The following NR3C2 variants were observed in gnomAD, a reference collection of about 807,000 sequenced individuals.
The protein encoded by NR3C2 is nuclear receptor subfamily 3 group C member 2.
NR3C2 carries 15 observed loss-of-function variants against 86.4 expected under a neutral mutation model. That is an observed-to-expected ratio of 0.17 (90% CI 0.12 to 0.27). The LOEUF (loss-of-function observed/expected upper bound fraction) is 0.27. NR3C2 is among the 10% of genes least tolerant of loss of function. NR3C2 has a pLI of 1.00. For missense variants in NR3C2, 960 were observed against 1,195.6 expected, an observed-to-expected ratio of 0.80 and a Z score of 2.91; for synonymous variants, 458 against 450.5, an observed-to-expected ratio of 1.02 and a Z score of -0.21.
chr4:148,409,420 A>C (rs1280007392), intron 2 of NR3C2, among the ~76,000 whole-genome samples: 1 of 152,126 alleles, frequency 6.6e-6, no homozygotes, highest in Admixed American at 6.6e-5. Context: ...ATGACTTGCC[A>C]CCTTCAAGGA....
intron 6 of NR3C2, 111 bp downstream of exon 6, chr4:148,152,358 C>G (rs1182270870): frequency 8.9e-6 from 11 of 1,233,850 alleles, no homozygotes; most frequent in Non-Finnish European, 1.3e-5. Flanking sequence ...TAAAAAATGC[C>G]AGTTTCAGTA....
intron 2 of NR3C2, among the ~76,000 whole-genome samples, chr4:148,365,695 T>A (rs1336486176): frequency 6.6e-6 from 1 of 152,218 alleles, no homozygotes; most frequent in Non-Finnish European, 1.5e-5. Context: ...TTTTGAGATC[T>A]CTACAACCAT....
intron 2 of NR3C2, among the ~76,000 whole-genome samples, chr4:148,277,062 T>C (rs61760312): frequency 0.053 from 8,001 of 152,298 alleles, 262 homozygotes; most frequent in African/African-American, 0.1. Flanking sequence ...AATCAAAATA[T>C]TTTTCAATAT....
intron 6 of NR3C2, among the ~76,000 whole-genome samples, chr4:148,134,192 C>T (rs989064917): frequency 2.6e-5 from 4 of 152,178 alleles, no homozygotes; most frequent in Non-Finnish European, 4.4e-5. Flanking sequence ...TTCTGAACAT[C>T]TGTCACAAAG....
chr4:148,435,905 C>T lies in NR3C2; in HGVS notation c.956G>A (p.Arg319Lys), dbSNP rs761661949. The T allele has an allele frequency of 1.2e-5, 20 of 1,614,166 alleles. 1 individual carries two copies. The South Asian group carries it at 2.2e-4, about 18-fold the overall frequency. ...SVSSPSNTNN[R>K]STLSSPAAST... ...GGCTGCCGGACTGGAAAGCGTGGATCTGTTATTAGTGTTCGAAGGGCTGGA... is the reference window on the plus strand; with the variant it reads ...GGCTGCCGGACTGGAAAGCGTGGATTTGTTATTAGTGTTCGAAGGGCTGGA... Residue 319 changes from arginine (R) to lysine (K), a missense_variant, in exon 2 of 9, where the codon AGA (arginine) becomes AAA (lysine). Arg to Lys is a conservative substitution (Grantham distance 26). This residue lies in a region of NR3C2 where 680 missense variants were observed against 719.0 expected (regional missense o/e 0.95). Coordinates refer to ENST00000358102, the MANE Select transcript of NR3C2 (RefSeq NM_000901.5).
intron 2 of NR3C2, among the ~76,000 whole-genome samples, chr4:148,418,532 G>T (rs896887681): frequency 1.3e-5 from 2 of 152,128 alleles, no homozygotes; most frequent in African/African-American, 4.8e-5. Context: ...CTACAATAAT[G>T]TTAGAGGTTG....
At chr4:148,174,161 G>T (rs1487739898) in intron 4 of NR3C2, among the ~76,000 whole-genome samples, 1 of 152,206 alleles carries the variant, frequency 6.6e-6, no homozygotes, top group East Asian at 1.9e-4. Context: ...ATGAAAGCCT[G>T]CCTGGGAATG....
Position 148,394,518 on chromosome 4 carries a change from C to CAAA in NR3C2, c.1757+40583_1757+40585dup, listed in dbSNP as rs112908192. Among the ~76,000 whole-genome samples the CAAA allele has an allele frequency of 1.7e-3, 221 of 133,050 alleles. 2 individuals are homozygous for CAAA. Among genetic ancestry groups the CAAA allele is most frequent in the African/African-American group, 4.8e-3 (177 of 36,604 alleles). 87.3% of individuals were successfully genotyped at this position (133,050 alleles called of 152,430 possible). ...AACATAACATAACCCCAACTCTACT[C>CAAA]AAAAAAAAAAAAAAAAATAGCAGAG... On this transcript the variant is annotated intron_variant, in intron 2 of 8. Transcript: ENST00000358102.
At position 148,136,961 on chromosome 4, in the gene NR3C2, C is replaced by T. The variant is rs1004700444; in HGVS notation, c.2510+15508G>A. On this transcript the variant is annotated intron_variant, in intron 6 of 8. Transcript: ENST00000358102. ...CATTTCTTTTGATTCTGTACAGTAG[C>T]CACCATGGTATAGATAGTTTCAATA... Among the ~76,000 whole-genome samples, 3 of 152,146 alleles carry T rather than the reference C, an allele frequency of 2.0e-5. No homozygotes were observed. In the South Asian group the frequency reaches 6.2e-4, roughly 32 times the overall value.
In NR3C2 at chr4:148,337,715, G is replaced by A. The variant is rs1446223528; in HGVS notation, c.1758-77598C>T. ...TATTAATCTTAAAAATGTTTCTATGGATGAGTAGAAATATATGGTACATTT... is the reference window on the plus strand; with the variant it reads ...TATTAATCTTAAAAATGTTTCTATGAATGAGTAGAAATATATGGTACATTT... On this transcript the variant is annotated intron_variant, in intron 2 of 8. Transcript: ENST00000358102. Among the ~76,000 whole-genome samples the A allele has an allele frequency of 2.6e-5, 4 of 152,096 alleles. No homozygotes were observed. The East Asian group carries it at 7.7e-4, about 29-fold the overall frequency.
In NR3C2 at chr4:148,442,355, C is replaced by G. The variant is rs1449591349; in HGVS notation, c.-198G>C. ...GACTGCACGGGCTTCCTCTGAGCAGCCTGAAGTTGGCTCCCGTCTCCCGGG... is the reference window on the plus strand; with the variant it reads ...GACTGCACGGGCTTCCTCTGAGCAGGCTGAAGTTGGCTCCCGTCTCCCGGG... On this transcript the variant is annotated 5_prime_UTR_variant, in exon 1 of 9. Coordinates refer to ENST00000358102, the MANE Select transcript of NR3C2 (RefSeq NM_000901.5). 6.5e-6 allele frequency: 1 copy of G among 152,702 alleles called. No individual in the cohort carries two copies. Among genetic ancestry groups the G allele is most frequent in the Non-Finnish European group, 1.5e-5 (1 of 68,404 alleles). The allele number at this position is 152,702 out of a possible 1,614,324, so 9.5% of individuals were successfully genotyped here. A position where few individuals can be genotyped will look rare whatever the true frequency, so the allele number is the denominator to read the frequency against.
chr4:148,329,101 A>T (rs974597906), intron 2 of NR3C2, among the ~76,000 whole-genome samples: 4 of 152,198 alleles, frequency 2.6e-5, no homozygotes, highest in Admixed American at 2.6e-4. Context: ...CTGGTCACAT[A>T]CATGATGAAA....
intron 4 of NR3C2, among the ~76,000 whole-genome samples, chr4:148,162,153 G>A (rs7694706): frequency 0.74 from 112,670 of 152,010 alleles, 41,802 homozygotes; most frequent in African/African-American, 0.79. Flanking sequence ...GGGCTCAAGG[G>A]AATCTGAGGG....
intron 2 of NR3C2, among the ~76,000 whole-genome samples, chr4:148,260,798 A>G (rs1009054857): frequency 6.6e-6 from 1 of 152,180 alleles, no homozygotes; most frequent in African/African-American, 2.4e-5. Flanking sequence ...GCTCTCTGGG[A>G]AACAGTTTTT....
intron 2 of NR3C2, among the ~76,000 whole-genome samples, chr4:148,348,437 C>G (rs1279229951): frequency 6.6e-6 from 1 of 152,110 alleles, no homozygotes; most frequent in East Asian, 1.9e-4. Context: ...ATAGGACGTG[C>G]TCAGAAAATA....
At chr4:148,443,005 C>A, upstream of NR3C2, 1 of 984,464 alleles carries the variant, frequency 1.0e-6, no homozygotes. Flanking sequence ...AGCGTCCGCG[C>A]GCGGGGAGGA....
intron 2 of NR3C2, among the ~76,000 whole-genome samples, chr4:148,419,355 G>T (rs928596187): frequency 6.6e-6 from 1 of 152,150 alleles, no homozygotes. Flanking sequence ...AAGGGCCCAC[G>T]AATCTTCTGA....
upstream of NR3C2, chr4:148,444,336 T>G: frequency 1.0e-6 from 1 of 985,272 alleles, no homozygotes; most frequent in Non-Finnish European, 1.2e-6. Flanking sequence ...CCGCGATCAC[T>G]CGCCCGCCAC....
At chr4:148,257,803 T>C (rs1215344504) in intron 3 of NR3C2, among the ~76,000 whole-genome samples, 2 of 152,116 alleles carry the variant, frequency 1.3e-5, no homozygotes, top group African/African-American at 4.8e-5. Context: ...AGATTTTAAA[T>C]TAACAGCATT....
Sources: allele counts gnomAD v4.1 joint callset (sites outside exome capture counted in the v4.1 genomes callset), GRCh38; gene constraint gnomAD v4.1.1; regional missense constraint gnomAD v4.1.1; transcripts MANE v1.5; gene names NCBI Gene and HGNC (gene_info 2026-07-23, HGNC 2026-07-21).